ARHGAP26: variants seen among roughly 807,000 people sequenced by gnomAD.
The protein encoded by ARHGAP26 is Rho GTPase activating protein 26, also known as rho GTPase-activating protein 26.
In ARHGAP26, 38 loss-of-function variants were observed where a neutral mutation model predicts 104.8. The observed-to-expected ratio is 0.36, with a 90% CI of 0.28 to 0.48. ARHGAP26 has a LOEUF of 0.48. ARHGAP26 is among the 20% of genes least tolerant of loss of function. The pLI is 0.99. For synonymous variants in ARHGAP26, 341 were observed against 340.0 expected (o/e 1.00, Z -0.03); for missense variants, 704 against 947.9 (o/e 0.74, Z 3.38).
At chr5:142,841,059 C>T (rs914103813) in intron 1 of ARHGAP26, among the ~76,000 whole-genome samples, 1 of 152,120 alleles carries the variant, frequency 6.6e-6, no homozygotes, top group Non-Finnish European at 1.5e-5. Context: ...TATGTCTCAC[C>T]ATTTAAGGAT....
chr5:142,933,927 C>T (rs79559038), intron 11 of ARHGAP26, among the ~76,000 whole-genome samples: 3,856 of 152,170 alleles, frequency 0.025, 174 homozygotes, highest in African/African-American at 0.087. Context: ...AAATTGCCTT[C>T]GAAAAATTCT....
At chr5:142,964,883 G>A (rs1771033836) in intron 11 of ARHGAP26, among the ~76,000 whole-genome samples, 1 of 152,160 alleles carries the variant, frequency 6.6e-6, no homozygotes, top group African/African-American at 2.4e-5. Flanking sequence ...TGGGCCCGGG[G>A]GACCACTACC....
chr5:142,833,276 G>C (rs829554), intron 1 of ARHGAP26, among the ~76,000 whole-genome samples: 1 of 149,892 alleles, frequency 6.7e-6, no homozygotes, highest in South Asian at 2.1e-4. Flanking sequence ...GACCAGGCTG[G>C]TCTCAAACTC....
At chr5:143,060,698 G>A (rs76179606) in intron 17 of ARHGAP26, among the ~76,000 whole-genome samples, 3 of 151,870 alleles carry the variant, frequency 2.0e-5, no homozygotes, top group East Asian at 1.9e-4. Context: ...AGAATAACCC[G>A]GGGCGCTTGT....
At chr5:143,047,087 A>G (rs1389153485) in intron 14 of ARHGAP26, among the ~76,000 whole-genome samples, 1 of 152,234 alleles carries the variant, frequency 6.6e-6, no homozygotes, top group Non-Finnish European at 1.5e-5. Context: ...TTTCTCAGGC[A>G]CATATTGCAC....
chr5:142,985,674 A>G (rs1304865892), intron 11 of ARHGAP26, among the ~76,000 whole-genome samples: 1 of 85,966 alleles, frequency 1.2e-5, no homozygotes, highest in Non-Finnish European at 2.1e-5. Flanking sequence ...ACCCTACAAC[A>G]GGCCCTGGTG....
At position 143,012,572 on chromosome 5, in the gene ARHGAP26, TATATTA is replaced by T. The variant is rs1562260087; in HGVS notation, c.1108-1507_1108-1502del. On this transcript the variant is annotated intron_variant, in intron 11 of 22. Coordinates refer to ENST00000645722, the MANE Select transcript of ARHGAP26 (RefSeq NM_001135608.3). The stretch of plus-strand genomic sequence containing the variant: ...ACATACATATATATATATATATATA[TATATTA>T]TGATCAGGTTCACCTTATGCCTTTC... Among the ~76,000 whole-genome samples, 7 of 89,236 alleles carry T rather than the reference TATATTA, an allele frequency of 7.8e-5. No individual in the cohort carries two copies. The East Asian group carries it at 1.2e-3, about 15-fold the overall frequency. The allele number at this position is 89,236 out of a possible 152,430, so 58.5% of individuals were successfully genotyped here. A position where few individuals can be genotyped will look rare whatever the true frequency, so the allele number is the denominator to read the frequency against.
chr5:142,989,055 T>C (rs1985678030), intron 11 of ARHGAP26, among the ~76,000 whole-genome samples: 1 of 152,204 alleles, frequency 6.6e-6, no homozygotes, highest in South Asian at 2.1e-4. Context: ...TTTTTAACTT[T>C]CTGCCTCGTT....
chr5:143,193,175 T>C (rs1243616848), intron 20 of ARHGAP26, among the ~76,000 whole-genome samples: 1 of 151,746 alleles, frequency 6.6e-6, no homozygotes, highest in Non-Finnish European at 1.5e-5. Context: ...GGCCACCCTT[T>C]AGTTGTTTAG....
At chr5:143,008,552 A>G (rs1297449098) in intron 11 of ARHGAP26, among the ~76,000 whole-genome samples, 3 of 152,348 alleles carry the variant, frequency 2.0e-5, no homozygotes, top group African/African-American at 7.2e-5. Context: ...TCAGGGGATC[A>G]TAGAGTTTGG....
chr5:142,815,739 T>C lies in ARHGAP26; in HGVS notation c.154+44824T>C, dbSNP rs561321514. Among the ~76,000 whole-genome samples the C allele has an allele frequency of 4.6e-5, 7 of 152,300 alleles. No homozygotes were observed. In the South Asian group the frequency reaches 1.4e-3, roughly 32 times the overall value. ...CCCCTTCTCACCACTTTCAGACTCA[T>C]TCGAGCCTCACTTTCCCCGGCTAGC... On this transcript the variant is annotated intron_variant, in intron 1 of 22. Transcript: ENST00000645722.
chr5:143,101,059 C>T lies in ARHGAP26; in HGVS notation c.1539-19929C>T, dbSNP rs557161483. 4.6e-5 allele frequency among the ~76,000 whole-genome samples: 7 copies of T among 152,298 alleles called. No individual in the cohort carries two copies. In the South Asian group the frequency reaches 1.5e-3, roughly 32 times the overall value. On this transcript the variant is annotated intron_variant, in intron 17 of 22. Transcript: ENST00000645722. ...AGTGAACAAACATTGTGTCACTACA[C>T]TCCAGCCTGGGCAACAAAGCAAGAC...
chr5:143,040,920 G>A (rs1783365261), intron 13 of ARHGAP26, among the ~76,000 whole-genome samples: 1 of 152,248 alleles, frequency 6.6e-6, no homozygotes, highest in African/African-American at 2.4e-5. Context: ...TGGTCTAAGT[G>A]CAATGGGAAG....
intron 21 of ARHGAP26, among the ~76,000 whole-genome samples, chr5:143,213,336 C>T (rs554214743): frequency 4.6e-5 from 7 of 152,290 alleles, no homozygotes; most frequent in South Asian, 2.1e-4. Flanking sequence ...CCTTCTTCCT[C>T]CTCCCCACAC....
intron 17 of ARHGAP26, among the ~76,000 whole-genome samples, chr5:143,081,179 A>G (rs1374154382): frequency 6.6e-6 from 1 of 152,094 alleles, no homozygotes; most frequent in African/African-American, 2.4e-5. Context: ...TTGTATATCA[A>G]CCACAGGACT....
intron 10 of ARHGAP26, among the ~76,000 whole-genome samples, chr5:142,928,018 C>T (rs1039155115): frequency 6.6e-6 from 1 of 152,092 alleles, no homozygotes; most frequent in Non-Finnish European, 1.5e-5. Context: ...TTTTCTTACT[C>T]ACTTGTAGGC....
At chr5:142,780,524 A>C (rs1203572208) in intron 1 of ARHGAP26, among the ~76,000 whole-genome samples, 1 of 152,230 alleles carries the variant, frequency 6.6e-6, no homozygotes, top group East Asian at 1.9e-4. Context: ...GTCTCTGTAA[A>C]TAAAACAATA....
chr5:143,018,842 A>G (rs140600387), intron 12 of ARHGAP26, among the ~76,000 whole-genome samples: 2 of 152,272 alleles, frequency 1.3e-5, no homozygotes, highest in African/African-American at 2.4e-5. Flanking sequence ...TATAAATTCT[A>G]TAATAAGTTT....
intron 1 of ARHGAP26, among the ~76,000 whole-genome samples, chr5:142,849,305 G>T (rs1271555618): frequency 6.6e-6 from 1 of 152,118 alleles, no homozygotes; most frequent in Non-Finnish European, 1.5e-5. Flanking sequence ...ACACCAAAAA[G>T]ACCCAAGACT....
Sources: gnomAD v4.1 joint callset for allele counts (sites outside exome capture counted in the v4.1 genomes callset) on GRCh38, gnomAD v4.1.1 for gene constraint, MANE v1.5 for transcripts, NCBI Gene and HGNC (gene_info 2026-07-23, HGNC 2026-07-21) for gene names.